Variants in MAST4 observed in about 807,000 individuals in gnomAD.
MAST4 encodes microtubule associated serine/threonine kinase family member 4.
MAST4 carries 89 observed loss-of-function variants against 162.7 expected under a neutral mutation model. The ratio of observed to expected loss-of-function variants is 0.55; its 90% confidence interval spans 0.46 to 0.65. The LOEUF (loss-of-function observed/expected upper bound fraction) is 0.65, where lower values mean the gene tolerates loss of function less well. Ranked by LOEUF, MAST4 falls within the 30% of genes least tolerant of loss-of-function variation. The probability of loss-of-function intolerance (pLI) is 0.00; values close to 1 mark genes in which losing one functional copy is unlikely to be tolerated. For synonymous variants in MAST4, 1,479 were observed against 1,361.1 expected (o/e 1.09, Z -1.91); for missense variants, 3,153 against 3,374.0 (o/e 0.93, Z 1.62).
chr5:66,790,580 T>C (rs1436660450), intron 3 of MAST4, among the ~76,000 whole-genome samples: 1 of 152,206 alleles, frequency 6.6e-6, no homozygotes, highest in African/African-American at 2.4e-5. Context: ...AGTCTTGCTT[T>C]TTTGCCCAGG....
At chr5:66,713,260 G>T (rs1306386636) in intron 1 of MAST4, among the ~76,000 whole-genome samples, 3 of 152,092 alleles carry the variant, frequency 2.0e-5, no homozygotes, top group Admixed American at 1.3e-4. Flanking sequence ...AAGGTACCCC[G>T]CTCTCCTTCC....
intron 1 of MAST4, among the ~76,000 whole-genome samples, chr5:66,691,776 C>T (rs1450162607): frequency 1.3e-5 from 2 of 152,112 alleles, no homozygotes; most frequent in Admixed American, 1.3e-4. Context: ...CCACAAAGCC[C>T]TGCCTCCTAA....
At chr5:67,126,484 C>T (rs1056785632) in intron 14 of MAST4, among the ~76,000 whole-genome samples, 1 of 152,134 alleles carries the variant, frequency 6.6e-6, no homozygotes, top group Non-Finnish European at 1.5e-5. Context: ...TTTCCCAATA[C>T]CATTTTAAAT....
At chr5:66,903,127 C>T (rs1763115813) in intron 4 of MAST4, among the ~76,000 whole-genome samples, 1 of 152,020 alleles carries the variant, frequency 6.6e-6, no homozygotes, top group Admixed American at 6.6e-5. Context: ...TTTCTGAATA[C>T]AGGCATTTAC....
intron 4 of MAST4, among the ~76,000 whole-genome samples, chr5:67,017,877 G>A (rs1200426098): frequency 2.6e-5 from 4 of 152,068 alleles, no homozygotes; most frequent in Admixed American, 1.3e-4. Context: ...GATTGCAGGC[G>A]TGAACCACCG....
intron 4 of MAST4, among the ~76,000 whole-genome samples, chr5:67,010,624 C>T (rs1752556746): frequency 6.6e-6 from 1 of 152,096 alleles, no homozygotes; most frequent in South Asian, 2.1e-4. Context: ...AGATACCCCG[C>T]TTAAGGAGTG....
rs1269652508 is a variant in MAST4 at position 67,168,188 on chromosome 5, C to T, written c.*1137C>T. 6.6e-6 allele frequency: 1 copy of T among 152,048 alleles called. No homozygotes were observed. Among genetic ancestry groups the T allele is most frequent in the Non-Finnish European group, 1.5e-5 (1 of 68,016 alleles). 9.4% of individuals were successfully genotyped at this position (152,048 alleles called of 1,614,324 possible). On this transcript the variant is annotated 3_prime_UTR_variant, in exon 29 of 29. Transcript: ENST00000403625. ...CATATCGATTAAAGAATAATCAGGACATCAGATACATTTTAATACATAGCT... is the reference window on the plus strand; with the variant it reads ...CATATCGATTAAAGAATAATCAGGATATCAGATACATTTTAATACATAGCT...
chr5:66,673,357 C>T (rs1169217006), intron 1 of MAST4, among the ~76,000 whole-genome samples: 2 of 151,876 alleles, frequency 1.3e-5, no homozygotes, highest in East Asian at 1.9e-4. Flanking sequence ...TTACCTGTCT[C>T]CTTTCTTCTT....
intron 4 of MAST4, chr5:67,002,033 C>G (rs949814485): frequency 6.6e-6 from 1 of 152,054 alleles, no homozygotes; most frequent in African/African-American, 2.4e-5. Flanking sequence ...GTAATTGTCC[C>G]TCTTGATCTT....
chr5:66,836,303 T>G (rs1757966274), intron 3 of MAST4, among the ~76,000 whole-genome samples: 1 of 152,126 alleles, frequency 6.6e-6, no homozygotes, highest in African/African-American at 2.4e-5. Flanking sequence ...CATTATATGT[T>G]GGTGAGGTGC....
At chr5:67,094,881 A>G (rs186852317) in intron 6 of MAST4, among the ~76,000 whole-genome samples, 228 of 152,232 alleles carry the variant, frequency 1.5e-3, no homozygotes, top group Non-Finnish European at 2.6e-3. Context: ...TACTCTTTGC[A>G]TTAAGTTCTA....
chr5:66,669,827 T>G (rs540534746), intron 1 of MAST4, among the ~76,000 whole-genome samples: 53 of 152,292 alleles, frequency 3.5e-4, no homozygotes, highest in African/African-American at 1.2e-3. Flanking sequence ...GCTGGGTTAC[T>G]GGGTGTCGGC....
intron 5 of MAST4, among the ~76,000 whole-genome samples, chr5:67,076,700 A>G (rs545579875): frequency 6.6e-6 from 1 of 152,238 alleles, no homozygotes; most frequent in East Asian, 1.9e-4. Context: ...CTCCACCTCC[A>G]TCAAATCTCT....
chr5:66,845,126 T>TATATATATAC (rs1358855625), intron 3 of MAST4, among the ~76,000 whole-genome samples: 704 of 66,882 alleles, frequency 0.011, 10 homozygotes, highest in Non-Finnish European at 0.013. Context: ...TATATATATA[T>TATATATATAC]ACACACACAC....
At chr5:67,077,917 T>C (rs546965554) in intron 5 of MAST4, among the ~76,000 whole-genome samples, 2 of 152,214 alleles carry the variant, frequency 1.3e-5, no homozygotes, top group Non-Finnish European at 2.9e-5. Flanking sequence ...CTGACCAACA[T>C]GGTGAAACCC....
In MAST4 at chr5:67,133,446, G is replaced by C. The variant is rs571772758; in HGVS notation, c.2094-68G>C. Reference sequence around the variant, plus strand: ...TAGTCTTAGAAACTGAGGGGGGAAGGGAGGAAATGAAAATAGATAACCAGC... The same window carrying C: ...TAGTCTTAGAAACTGAGGGGGGAAGCGAGGAAATGAAAATAGATAACCAGC... On this transcript the variant is annotated intron_variant, in intron 16 of 28. Transcript: ENST00000403625. 2.2e-4 allele frequency: 335 copies of C among 1,539,742 alleles called. 1 individual carries two copies. In the African/African-American group the frequency reaches 4.2e-3, roughly 19 times the overall value.
chr5:67,081,547 C>T (rs1053032185), intron 5 of MAST4, among the ~76,000 whole-genome samples: 4 of 151,928 alleles, frequency 2.6e-5, no homozygotes, highest in African/African-American at 9.7e-5. Context: ...CAAGTGGAAG[C>T]TTAGAACATG....
chr5:66,727,382 C>G (rs1469950741), intron 1 of MAST4, among the ~76,000 whole-genome samples: 1 of 152,172 alleles, frequency 6.6e-6, no homozygotes, highest in Non-Finnish European at 1.5e-5. Flanking sequence ...ACTAATGGGT[C>G]AAGACCCACG....
At chr5:66,748,827 T>C (rs190817827) in intron 1 of MAST4, among the ~76,000 whole-genome samples, 94 of 151,848 alleles carry the variant, frequency 6.2e-4, no homozygotes, top group Middle Eastern at 3.4e-3. Flanking sequence ...GAAGAATGCA[T>C]TCTGGGTGGT....
Sources: allele counts gnomAD v4.1 joint callset (sites outside exome capture counted in the v4.1 genomes callset), GRCh38; gene constraint gnomAD v4.1.1; transcripts MANE v1.5; gene names NCBI Gene and HGNC (gene_info 2026-07-23, HGNC 2026-07-21).